RBMS3: variants seen among roughly 807,000 people sequenced by gnomAD.
RBMS3 encodes the protein RNA-binding motif, single-stranded-interacting protein 3.
Under a neutral mutation model 66.8 loss-of-function variants are expected in RBMS3, and 27 were observed. The ratio of observed to expected loss-of-function variants is 0.40; its 90% CI spans 0.30 to 0.56. The LOEUF is 0.56. Ranked by LOEUF, RBMS3 falls within the 20% of genes least tolerant of loss-of-function variation. The probability of loss-of-function intolerance (pLI) is 0.40; values close to 1 mark genes in which losing one functional copy is unlikely to be tolerated. For synonymous variants in RBMS3, 188 were observed against 183.0 expected, an observed-to-expected ratio of 1.03 and a Z score of -0.22; for missense variants, 513 against 549.5, an observed-to-expected ratio of 0.93 and a Z score of 0.66.
intron 3 of RBMS3, among the ~76,000 whole-genome samples, chr3:29,504,758 T>C (rs2044117646): frequency 6.6e-6 from 1 of 152,064 alleles, no homozygotes; most frequent in African/African-American, 2.4e-5. Flanking sequence ...AACATTTATC[T>C]TTCATCTTTT....
At chr3:29,738,293 G>A (rs1303557917) in intron 4 of RBMS3, among the ~76,000 whole-genome samples, 1 of 151,912 alleles carries the variant, frequency 6.6e-6, no homozygotes, top group Non-Finnish European at 1.5e-5. Flanking sequence ...TAGACTTCAG[G>A]ATTTCTTTTT....
At chr3:29,292,183 G>C (rs1200785683) in intron 1 of RBMS3, among the ~76,000 whole-genome samples, 3 of 151,574 alleles carry the variant, frequency 2.0e-5, no homozygotes, top group Admixed American at 6.6e-5. Context: ...AATCAGCTTT[G>C]ATTGTCTCTC....
intron 4 of RBMS3, among the ~76,000 whole-genome samples, chr3:29,735,761 C>T (rs1232225321): frequency 6.6e-6 from 1 of 152,106 alleles, no homozygotes; most frequent in Non-Finnish European, 1.5e-5. Context: ...AGAATAAAGT[C>T]AGTGTTGTAA....
At chr3:29,927,956 C>T (rs1047249360) in intron 10 of RBMS3, among the ~76,000 whole-genome samples, 1 of 151,978 alleles carries the variant, frequency 6.6e-6, no homozygotes, top group Non-Finnish European at 1.5e-5. Context: ...ATGTCTTGTC[C>T]TGTCACTGAA....
At chr3:29,714,071 A>G (rs150940522) in intron 4 of RBMS3, among the ~76,000 whole-genome samples, 111 of 148,718 alleles carry the variant, frequency 7.5e-4, no homozygotes, top group African/African-American at 2.8e-3. Flanking sequence ...ACAAAAGAAA[A>G]GAAAAGAAAA....
chr3:29,752,727 C>G (rs2055237000), intron 5 of RBMS3, among the ~76,000 whole-genome samples: 1 of 152,158 alleles, frequency 6.6e-6, no homozygotes, highest in African/African-American at 2.4e-5. Flanking sequence ...TTTAGACTCT[C>G]AAGCCCTAAA....
chr3:29,548,452 AAAAC>A (rs1258133968), intron 3 of RBMS3, among the ~76,000 whole-genome samples: 3 of 131,576 alleles, frequency 2.3e-5, no homozygotes, highest in Non-Finnish European at 3.6e-5. Context: ...AAACAAACAA[AAAAC>A]AAAACGACGT....
In RBMS3 at chr3:29,665,002, A is replaced by G. The variant is rs147362466; in HGVS notation, c.400-74718A>G. Among the ~76,000 whole-genome samples, 17 of 152,334 alleles carry G rather than the reference A, an allele frequency of 1.1e-4. No homozygotes were observed. In the East Asian group the frequency reaches 2.1e-3, roughly 19 times the overall value. ...TTTAAAGCCCAATAGGAATGGGAAG[A>G]ATAGAAGAACTTATGAAGAATAATG... On this transcript the variant is annotated intron_variant, in intron 4 of 14. Coordinates refer to ENST00000383767, the MANE Select transcript of RBMS3 (RefSeq NM_001003793.3).
chr3:29,644,028 C>T (rs1042667715), intron 4 of RBMS3, among the ~76,000 whole-genome samples: 2 of 152,182 alleles, frequency 1.3e-5, no homozygotes, highest in Admixed American at 1.3e-4. Context: ...CAGTATGCCG[C>T]TTCTACCCCC....
At chr3:29,390,360 T>A (rs2039232337) in intron 1 of RBMS3, among the ~76,000 whole-genome samples, 1 of 152,010 alleles carries the variant, frequency 6.6e-6, no homozygotes, top group Non-Finnish European at 1.5e-5. Flanking sequence ...GCTACATATT[T>A]AAAGAGATAT....
intron 12 of RBMS3, among the ~76,000 whole-genome samples, chr3:29,985,404 GA>G (rs61097302): frequency 2.7e-5 from 4 of 148,842 alleles, no homozygotes; most frequent in African/African-American, 7.4e-5. Context: ...ACTGGGGTAT[GA>G]AAAAAAAAAG....
intron 4 of RBMS3, among the ~76,000 whole-genome samples, chr3:29,721,734 G>A (rs1304877074): frequency 1.3e-5 from 2 of 152,190 alleles, no homozygotes; most frequent in Non-Finnish European, 2.9e-5. Flanking sequence ...GCAACATTAT[G>A]AGAAGAAAAT....
chr3:29,511,548 A>G (rs745853852), intron 3 of RBMS3, among the ~76,000 whole-genome samples: 1 of 152,082 alleles, frequency 6.6e-6, no homozygotes, highest in Non-Finnish European at 1.5e-5. Context: ...AACTCATGTC[A>G]AAAGACCTCA....
chr3:29,559,106 A>G (rs1300621626), intron 3 of RBMS3, among the ~76,000 whole-genome samples: 1 of 152,180 alleles, frequency 6.6e-6, no homozygotes, highest in Admixed American at 6.5e-5. Flanking sequence ...ATGAACAAAG[A>G]TAGTGAGGAA....
At chr3:29,910,516 T>C (rs772177100) in intron 10 of RBMS3, among the ~76,000 whole-genome samples, 18 of 152,084 alleles carry the variant, frequency 1.2e-4, no homozygotes, top group Non-Finnish European at 1.9e-4. Context: ...TCAAAAGATA[T>C]TATTTTTGAT....
At chr3:29,655,756 C>T (rs977145305) in intron 4 of RBMS3, among the ~76,000 whole-genome samples, 2 of 152,118 alleles carry the variant, frequency 1.3e-5, no homozygotes, top group Non-Finnish European at 2.9e-5. Context: ...CAACCTCAGG[C>T]AGGTCCTTCA....
chr3:29,659,201 T>C (rs569820355), intron 4 of RBMS3, among the ~76,000 whole-genome samples: 2 of 152,314 alleles, frequency 1.3e-5, no homozygotes, highest in South Asian at 4.1e-4. Context: ...GAGATTTTTT[T>C]TCCAATTTTT....
rs527615805 is a variant in RBMS3 at position 29,362,157 on chromosome 3, T to C, written c.76-72586T>C. On this transcript the variant is annotated intron_variant, in intron 1 of 14. Transcript: ENST00000383767. Reference sequence around the variant, plus strand: ...TAGAATTTTCAGTTTTTCTGTTCTGTTTTTTCCCCATCTTTGTGGTTTTAT... The same window carrying C: ...TAGAATTTTCAGTTTTTCTGTTCTGCTTTTTCCCCATCTTTGTGGTTTTAT... Among the ~76,000 whole-genome samples, 467 of 152,300 alleles carry C rather than the reference T, an allele frequency of 3.1e-3. 3 individuals are homozygous for C. Among genetic ancestry groups the C allele is most frequent in the African/African-American group, 0.01 (417 of 41,558 alleles).
At chr3:29,469,110 C>T (rs2042636374) in intron 2 of RBMS3, among the ~76,000 whole-genome samples, 1 of 152,088 alleles carries the variant, frequency 6.6e-6, no homozygotes, top group Admixed American at 6.6e-5. Flanking sequence ...GGAGGCCTAT[C>T]TTGAAATGCC....
Sources: allele counts gnomAD v4.1 joint callset (sites outside exome capture counted in the v4.1 genomes callset), GRCh38; gene constraint gnomAD v4.1.1; transcripts MANE v1.5; gene names NCBI Gene and HGNC (gene_info 2026-07-23, HGNC 2026-07-21).